The following RAPGEF1 variants were observed in gnomAD, a reference collection of about 807,000 sequenced individuals.
The protein encoded by RAPGEF1 is Rap guanine nucleotide exchange factor 1.
Under a neutral mutation model 143.3 loss-of-function variants are expected in RAPGEF1, and 33 were observed. The observed-to-expected ratio is 0.23, with a 90% CI of 0.17 to 0.31. The LOEUF (loss-of-function observed/expected upper bound fraction) is 0.31, where lower values mean the gene tolerates loss of function less well. Among genes scored for constraint, RAPGEF1 ranks in the 10% least tolerant of loss-of-function variants. The pLI is 1.00. For synonymous variants in RAPGEF1, 629 were observed against 676.5 expected, an observed-to-expected ratio of 0.93 and a Z score of 1.09; for missense variants, 1,199 against 1,645.4, an observed-to-expected ratio of 0.73 and a Z score of 4.69.
chr9:131,605,239 G>C (rs1011196221), intron 12 of RAPGEF1, 51 bp from the exon 13 acceptor site: 2 of 1,220,950 alleles, frequency 1.6e-6, no homozygotes, highest in Admixed American at 5.9e-5. Flanking sequence ...AAGAAGAAAA[G>C]AGAAAAAGTA....
At chr9:131,711,341 T>C (rs1291595989) in intron 1 of RAPGEF1, among the ~76,000 whole-genome samples, 2 of 146,596 alleles carry the variant, frequency 1.4e-5, no homozygotes, top group Non-Finnish European at 3.0e-5. Flanking sequence ...TGTGAGCCAC[T>C]GCACTGTGCC....
In RAPGEF1 at chr9:131,655,240, C is replaced by G. The variant is rs1972131962; in HGVS notation, c.62-4291G>C. On this transcript the variant is annotated intron_variant, in intron 1 of 26. Transcript: ENST00000683357. The surrounding 1 kb of genome is among the most constrained non-coding windows in gnomAD (Gnocchi z 4.1). ...CCAAAGAGAAAAGCCAGGGCCTGAC[C>G]CGCATTCACATGTGGTCAAACCAAA... Among the ~76,000 whole-genome samples, 1 of 152,234 alleles carries G rather than the reference C, an allele frequency of 6.6e-6. No homozygotes were observed. The highest frequency in any genetic ancestry group is 1.5e-5 in the Non-Finnish European group (1 of 68,050).
intron 1 of RAPGEF1, among the ~76,000 whole-genome samples, chr9:131,654,593 T>C (rs1397986748): frequency 6.6e-6 from 1 of 152,122 alleles, no homozygotes; most frequent in Non-Finnish European, 1.5e-5. Context: ...TCCCAGCTAC[T>C]CAGGAGGCTG....
intron 1 of RAPGEF1, among the ~76,000 whole-genome samples, chr9:131,733,671 G>C (rs1202139363): frequency 2.0e-5 from 3 of 152,160 alleles, no homozygotes; most frequent in African/African-American, 7.2e-5. Context: ...CTGTCCCGGC[G>C]GCGAGGCGGC....
chr9:131,737,542 A>C (rs1236551164), intron 1 of RAPGEF1: 2 of 1,608,254 alleles, frequency 1.2e-6, no homozygotes, highest in Admixed American at 1.7e-5. Flanking sequence ...GAAAAGGCCC[A>C]AGGACAAACT....
intron 4 of RAPGEF1, 52 bp downstream of exon 4, chr9:131,643,187 C>T: frequency 1.3e-6 from 2 of 1,539,342 alleles, no homozygotes; most frequent in Non-Finnish European, 1.7e-6. Context: ...AACCAAGATG[C>T]TTCTAAGGCT....
chr9:131,609,486 G>C (rs1957670432), intron 12 of RAPGEF1, among the ~76,000 whole-genome samples: 2 of 152,132 alleles, frequency 1.3e-5, no homozygotes, highest in South Asian at 4.1e-4. Flanking sequence ...AATCTGCAGA[G>C]TTCCTTAGCT....
chr9:131,601,978 A>T, intron 15 of RAPGEF1, 83 bp downstream of exon 15: 1 of 948,386 alleles, frequency 1.1e-6, no homozygotes, highest in Non-Finnish European at 1.5e-6. Flanking sequence ...CCTAGGGGCT[A>T]GCTGGGAGAG....
In RAPGEF1 at chr9:131,589,964, G is replaced by C; in HGVS notation, c.2789C>G (p.Ser930Cys). 6.2e-7 allele frequency: 1 copy of C among 1,613,670 alleles called. No homozygotes were observed. The highest frequency in any genetic ancestry group is 8.5e-7 in the Non-Finnish European group (1 of 1,179,722). Residue 930 changes from serine (S) to cysteine (C), a missense_variant, in exon 19 of 27, where the codon TCT becomes TGT. Ser to Cys is a moderately radical substitution (Grantham distance 112, BLOSUM62 -1). Around this residue, in one of 6 missense-constraint regions of RAPGEF1, gnomAD observed 209 missense variants for 403.0 expected, o/e 0.52. Transcript: ENST00000683357. ...CTTCTTGAATGTGTCGGCAAAGGGA[G>C]AGAATTTCTCATATGTGGAGCACGG... is the stretch of plus-strand genomic sequence containing the variant. ...KKLQYRYEKFSPFADTFKKRV... is the reference protein window; with the variant it reads ...KKLQYRYEKFCPFADTFKKRV...
At chr9:131,659,229 TAA>T (rs1053126935) in intron 1 of RAPGEF1, among the ~76,000 whole-genome samples, 2 of 152,126 alleles carry the variant, frequency 1.3e-5, no homozygotes, top group African/African-American at 4.8e-5. Flanking sequence ...TCCAATTTTT[TAA>T]AAGTCTTTTC....
rs75783909 is a variant in RAPGEF1, at chr9:131,622,026, G to A, written c.1703-28C>T. The A allele has an allele frequency of 8.0e-3, 12,687 of 1,585,672 alleles. 80 individuals are homozygous for A. Among genetic ancestry groups the A allele is most frequent in the Non-Finnish European group, 9.7e-3 (11,273 of 1,163,150 alleles). On this transcript the variant is annotated intron_variant, in intron 10 of 26. Coordinates refer to ENST00000683357, the MANE Select transcript of RAPGEF1 (RefSeq NM_001377935.1). The stretch of plus-strand genomic sequence containing the variant: ...GTGAAACAAGGGAGAAAGCTGCAGC[G>A]AGGCCGGGGGAGGCCACATCAGGGA...
chr9:131,591,849 T>G (rs985731483), intron 18 of RAPGEF1, among the ~76,000 whole-genome samples: 1 of 152,218 alleles, frequency 6.6e-6, no homozygotes, highest in African/African-American at 2.4e-5. Context: ...ATTCCCAGAC[T>G]ATGTTCCAGC....
At chr9:131,687,737 A>G (rs1313429201) in intron 1 of RAPGEF1, among the ~76,000 whole-genome samples, 1 of 152,108 alleles carries the variant, frequency 6.6e-6, no homozygotes, top group Non-Finnish European at 1.5e-5. Flanking sequence ...GTAGCTGAAA[A>G]CACTAAATGC....
chr9:131,590,226 C>T (rs557392445), intron 18 of RAPGEF1, among the ~76,000 whole-genome samples: 5 of 152,298 alleles, frequency 3.3e-5, no homozygotes, highest in African/African-American at 7.2e-5. Context: ...ACGCCATCTC[C>T]GCTGCACTGT....
In RAPGEF1 at chr9:131,626,202, G is replaced by A. The variant is rs777492608; in HGVS notation, c.1422C>T (p.Pro474=). ...AGGCTGCGCTCCTGCGCTTCTTCTC[G>A]GGGAGAGCAGGTGGCGTATCTGTCT... ...GQQTDTPPAL[P]EKKRRSAASQ... The change falls in exon 10 of 27, where the codon CCC becomes CCT. Residue 474 remains proline (P), a synonymous_variant. Coordinates refer to ENST00000683357, the MANE Select transcript of RAPGEF1 (RefSeq NM_001377935.1). The A allele has an allele frequency of 7.4e-5, 119 of 1,613,748 alleles. No individual in the cohort carries two copies. The highest frequency in any genetic ancestry group is 2.0e-4 in the African/African-American group (15 of 74,910).
At chr9:131,714,231 C>T (rs1406614672) in intron 1 of RAPGEF1, among the ~76,000 whole-genome samples, 1 of 151,818 alleles carries the variant, frequency 6.6e-6, no homozygotes, top group Non-Finnish European at 1.5e-5. Flanking sequence ...AAGTAGGAAA[C>T]ATTTTAAGGA....
chr9:131,594,673 C>G (rs552087390), intron 17 of RAPGEF1, among the ~76,000 whole-genome samples: 1 of 152,200 alleles, frequency 6.6e-6, no homozygotes, highest in Non-Finnish European at 1.5e-5. Flanking sequence ...ATACTTCCTA[C>G]GTAAAACTTT....
intron 1 of RAPGEF1, among the ~76,000 whole-genome samples, chr9:131,687,576 G>A (rs555461362): frequency 6.6e-6 from 1 of 152,280 alleles, no homozygotes; most frequent in Non-Finnish European, 1.5e-5. Context: ...TGTTTAAAAT[G>A]CCTCAAGAGT....
chr9:131,601,734 C>T (rs1045025209), intron 15 of RAPGEF1, among the ~76,000 whole-genome samples: 8 of 151,594 alleles, frequency 5.3e-5, no homozygotes, highest in African/African-American at 1.5e-4. Context: ...AGCGAGACCT[C>T]GTCTCTACAA....
Sources: gnomAD v4.1 joint callset for allele counts (sites outside exome capture counted in the v4.1 genomes callset) on GRCh38, gnomAD v4.1.1 for gene constraint, gnomAD v4.1.1 regional missense constraint, Gnocchi (gnomAD v3.1) non-coding constraint, MANE v1.5 for transcripts, NCBI Gene and HGNC (gene_info 2026-07-23, HGNC 2026-07-21) for gene names.